The following PPP2R2A variants were observed in gnomAD, a reference collection of about 807,000 sequenced individuals.
PPP2R2A encodes protein phosphatase 2 regulatory subunit Balpha.
PPP2R2A carries 9 observed loss-of-function variants against 53.2 expected under a neutral mutation model. The ratio of observed to expected loss-of-function variants is 0.17; its 90% CI spans 0.10 to 0.30. The LOEUF is 0.30. Ranked by LOEUF, PPP2R2A falls within the 10% of genes least tolerant of loss-of-function variation. PPP2R2A has a pLI of 1.00. For missense variants in PPP2R2A, 235 were observed against 534.6 expected, an observed-to-expected ratio of 0.44 and a Z score of 5.53; for synonymous variants, 169 against 174.2, an observed-to-expected ratio of 0.97 and a Z score of 0.23.
At chr8:26,310,298 AAC>A (rs1491149895) in intron 2 of PPP2R2A, among the ~76,000 whole-genome samples, 2 of 131,324 alleles carry the variant, frequency 1.5e-5, no homozygotes, top group African/African-American at 5.8e-5. Context: ...AAAAAAAAAA[AAC>A]ACAGTGTCTA....
At chr8:26,295,726 A>C (rs1022831919) in intron 2 of PPP2R2A, among the ~76,000 whole-genome samples, 1 of 152,224 alleles carries the variant, frequency 6.6e-6, no homozygotes, top group African/African-American at 2.4e-5. Context: ...CTTAGTAAAA[A>C]TATGACTAGT....
intron 2 of PPP2R2A, among the ~76,000 whole-genome samples, chr8:26,309,726 G>C (rs1220327416): frequency 6.6e-6 from 1 of 152,134 alleles, no homozygotes; most frequent in Non-Finnish European, 1.5e-5. Flanking sequence ...CCTAATTTCA[G>C]TATTGTGTCT....
chr8:26,334,475 G>T (rs1488519854), intron 2 of PPP2R2A, among the ~76,000 whole-genome samples: 1 of 152,160 alleles, frequency 6.6e-6, no homozygotes, highest in African/African-American at 2.4e-5. Context: ...GCCAGGTACG[G>T]TGGCTCACGC....
At chr8:26,334,634 A>T (rs1362949284) in intron 2 of PPP2R2A, among the ~76,000 whole-genome samples, 2 of 152,066 alleles carry the variant, frequency 1.3e-5, no homozygotes, top group Non-Finnish European at 2.9e-5. Context: ...AGTCCCAGCT[A>T]CTCAGGAGGC....
intron 7 of PPP2R2A, 117 bp from the exon 8 acceptor site, chr8:26,363,604 A>G: frequency 1.1e-6 from 1 of 871,212 alleles, no homozygotes; most frequent in Non-Finnish European, 1.6e-6. Flanking sequence ...GTTCTTTATT[A>G]GCCTGGCATT....
chr8:26,364,879 G>A (rs1477749102), intron 8 of PPP2R2A, among the ~76,000 whole-genome samples: 1 of 151,976 alleles, frequency 6.6e-6, no homozygotes, highest in Non-Finnish European at 1.5e-5. Context: ...ATATATGGAG[G>A]GCCAAAACTT....
In PPP2R2A at chr8:26,360,024, A is replaced by G; in HGVS notation, c.347-145A>G. On this transcript the variant is annotated intron_variant, in intron 4 of 9. Transcript: ENST00000380737. The surrounding 1 kb of genome is among the most constrained non-coding windows in gnomAD (Gnocchi z 4.5). ...GTGTGTATGTTATTCAGCTGATAAT[A>G]GGAAATTTTTTAGTAAGTTCAGATT... 2.0e-6 allele frequency: 1 copy of G among 503,836 alleles called. No individual in the cohort carries two copies. Among genetic ancestry groups the G allele is most frequent in the Non-Finnish European group, 3.5e-6 (1 of 282,790 alleles). The allele number at this position is 503,836 out of a possible 1,614,324, so 31.2% of individuals were successfully genotyped here.
chr8:26,296,148 T>G (rs984746537), intron 2 of PPP2R2A, among the ~76,000 whole-genome samples: 2 of 152,228 alleles, frequency 1.3e-5, no homozygotes, highest in African/African-American at 4.8e-5. Context: ...TTGCAGTAAG[T>G]TCCTAAATTA....
chr8:26,303,111 T>A (rs996296391), intron 2 of PPP2R2A, among the ~76,000 whole-genome samples: 1 of 152,226 alleles, frequency 6.6e-6, no homozygotes, highest in Non-Finnish European at 1.5e-5. Context: ...GAAAGTAGTT[T>A]CTGTGACTTG....
chr8:26,313,551 G>A (rs1802392927), intron 2 of PPP2R2A, among the ~76,000 whole-genome samples: 1 of 152,128 alleles, frequency 6.6e-6, no homozygotes, highest in Non-Finnish European at 1.5e-5. Context: ...CTAATCTCTG[G>A]AACCTGTGAC....
chr8:26,367,083 T>C (rs1028443962), intron 9 of PPP2R2A, among the ~76,000 whole-genome samples: 2 of 152,228 alleles, frequency 1.3e-5, no homozygotes, highest in Non-Finnish European at 2.9e-5. Context: ...TAATCAGAGA[T>C]ACTTCAACAA....
chr8:26,344,751 T>G (rs1804122480), intron 3 of PPP2R2A, among the ~76,000 whole-genome samples: 1 of 152,250 alleles, frequency 6.6e-6, no homozygotes, highest in Non-Finnish European at 1.5e-5. Flanking sequence ...TCATGTATTT[T>G]AAATATTTAA....
At chr8:26,339,490 TAAAG>T (rs1803834990) in intron 3 of PPP2R2A, among the ~76,000 whole-genome samples, 3 of 152,210 alleles carry the variant, frequency 2.0e-5, no homozygotes, top group African/African-American at 7.2e-5. Flanking sequence ...TACATGCATG[TAAAG>T]TAACTTAAAA....
At chr8:26,366,447 A>G in intron 9 of PPP2R2A, 41 bp downstream of exon 9, 1 of 1,434,336 alleles carries the variant, frequency 7.0e-7, no homozygotes. Flanking sequence ...TTTATTAAAG[A>G]AAAGAAACAA....
intron 2 of PPP2R2A, among the ~76,000 whole-genome samples, chr8:26,327,178 C>T (rs1465389426): frequency 6.6e-6 from 1 of 152,158 alleles, no homozygotes; most frequent in African/African-American, 2.4e-5. Flanking sequence ...GCTCCATCTT[C>T]TCTTTAGAGT....
At chr8:26,294,359 CTG>C (rs1385692882) in intron 2 of PPP2R2A, among the ~76,000 whole-genome samples, 2 of 152,174 alleles carry the variant, frequency 1.3e-5, no homozygotes, top group South Asian at 2.1e-4. Context: ...CAGGTAGAAA[CTG>C]TGTTTGATCA....
rs3824232 is a variant in PPP2R2A at position 26,370,083 on chromosome 8, A to C, written c.1065-51A>C. 0.15 allele frequency: 236,155 copies of C among 1,557,578 alleles called. 21,216 individuals are homozygous for C. Among genetic ancestry groups the C allele is most frequent in the East Asian group, 0.46 (20,311 of 44,082 alleles). On this transcript the variant is annotated intron_variant, in intron 9 of 9. Transcript: ENST00000380737. The surrounding 1 kb of genome is among the most constrained non-coding windows in gnomAD (Gnocchi z 6.1). ...TAATTGCCGAATCATTTTACTTGAA[A>C]ACAATTTCTTGTTCTGCTTGTTTGA...
intron 2 of PPP2R2A, among the ~76,000 whole-genome samples, chr8:26,335,368 T>C (rs534851167): frequency 2.0e-5 from 3 of 152,264 alleles, no homozygotes; most frequent in African/African-American, 7.2e-5. Context: ...TCTCTTTTGT[T>C]TAAGGGAGAA....
intron 1 of PPP2R2A, chr8:26,293,407 A>G (rs1801398903): frequency 1.2e-6 from 1 of 843,192 alleles, no homozygotes; most frequent in Non-Finnish European, 1.8e-6. Context: ...TGTATTTGAC[A>G]GGAAGTTTGT....
Sources: allele counts gnomAD v4.1 joint callset (sites outside exome capture counted in the v4.1 genomes callset), GRCh38; gene constraint gnomAD v4.1.1; non-coding constraint Gnocchi (gnomAD v3.1); transcripts MANE v1.5; gene names NCBI Gene and HGNC (gene_info 2026-07-23, HGNC 2026-07-21).